The following LMLN variants were observed in gnomAD, a reference collection of about 807,000 sequenced individuals.
LMLN encodes the protein leishmanolysin like peptidase.
LMLN carries 70 observed loss-of-function variants against 92.3 expected under a neutral mutation model. The ratio of observed to expected loss-of-function variants is 0.76; its 90% CI spans 0.63 to 0.92. The LOEUF (loss-of-function observed/expected upper bound fraction) is 0.92. Ranked by LOEUF, LMLN falls within the 40% of genes least tolerant of loss-of-function variation. The pLI, the probability that LMLN is intolerant of heterozygous loss-of-function variation, is 0.00. For missense variants in LMLN, 691 were observed against 814.6 expected (o/e 0.85, Z 1.85); for synonymous variants, 308 against 296.2 (o/e 1.04, Z -0.41).
intron 14 of LMLN, among the ~76,000 whole-genome samples, chr3:198,026,717 T>C (rs1386802642): frequency 6.6e-6 from 1 of 152,060 alleles, no homozygotes; most frequent in Admixed American, 6.6e-5. Flanking sequence ...TTTAATGGAG[T>C]ATGGTGTTTA....
chr3:198,014,988 A>C (rs1476933845), intron 11 of LMLN, among the ~76,000 whole-genome samples: 1 of 137,854 alleles, frequency 7.3e-6, no homozygotes, highest in Non-Finnish European at 1.6e-5. Flanking sequence ...TCCACCGTTC[A>C]GAGCCCGCTA....
intron 1 of LMLN, among the ~76,000 whole-genome samples, chr3:197,970,817 A>C (rs1177079200): frequency 6.6e-6 from 1 of 152,264 alleles, no homozygotes; most frequent in African/African-American, 2.4e-5. Context: ...ACTCTTCTGC[A>C]CAATAGTCTT....
chr3:197,962,339 T>C (rs7431003), intron 1 of LMLN, among the ~76,000 whole-genome samples: 57,126 of 152,112 alleles, frequency 0.38, 15,411 homozygotes, highest in African/African-American at 0.77. Context: ...AGTATTCCAT[T>C]GAATACTTAT....
intron 1 of LMLN, among the ~76,000 whole-genome samples, chr3:197,966,737 T>G (rs193020628): frequency 6.6e-6 from 1 of 152,156 alleles, no homozygotes; most frequent in Non-Finnish European, 1.5e-5. Flanking sequence ...TTATTACCCT[T>G]TTTACATTTT....
chr3:197,977,788 G>C (rs1437967379), intron 5 of LMLN, among the ~76,000 whole-genome samples: 1 of 151,194 alleles, frequency 6.6e-6, no homozygotes, highest in African/African-American at 2.4e-5. Context: ...GTATACACAC[G>C]TTAAATCTGG....
At chr3:197,974,461 A>G in exon 2 of LMLN, 1 of 1,527,298 alleles carries the variant, frequency 6.5e-7, no homozygotes, top group Non-Finnish European at 9.0e-7. Context: ...TGTCTATGAT[A>G]AAAGTGTTGA....
At chr3:198,041,459 G>A (rs1723401648) in exon 16 of LMLN, 1 of 152,178 alleles carries the variant, frequency 6.6e-6, no homozygotes, top group Admixed American at 6.5e-5. Context: ...GGCAGTGTGT[G>A]TAGTTATATA....
At chr3:197,976,758 A>G in intron 5 of LMLN, 43 bp downstream of exon 5, 2 of 1,000,348 alleles carry the variant, frequency 2.0e-6, no homozygotes, top group South Asian at 2.1e-5. Flanking sequence ...ACCTGAGGAG[A>G]TTTTGAATTT....
intron 1 of LMLN, among the ~76,000 whole-genome samples, chr3:197,971,385 A>G (rs757836650): frequency 9.2e-5 from 14 of 152,204 alleles, no homozygotes; most frequent in Non-Finnish European, 1.6e-4. Flanking sequence ...GTGAGAACTC[A>G]CTATCATGAG....
intron 14 of LMLN, among the ~76,000 whole-genome samples, chr3:198,030,859 C>T (rs1445214486): frequency 6.6e-6 from 1 of 152,160 alleles, no homozygotes; most frequent in African/African-American, 2.4e-5. Flanking sequence ...CGCCTGCTGA[C>T]AGCGTGGGAA....
rs1013953689 is a variant in LMLN, at chr3:198,042,712, G to C, written c.*4045G>C. 2 of 152,166 alleles carry C rather than the reference G, an allele frequency of 1.3e-5. No homozygotes were observed. Among genetic ancestry groups the C allele is most frequent in the Non-Finnish European group, 2.9e-5 (2 of 68,034 alleles). The allele number at this position is 152,166 out of a possible 1,614,324, so 9.4% of individuals were successfully genotyped here. On this transcript the variant is annotated 3_prime_UTR_variant, in exon 16 of 16. Transcript: ENST00000330198. The surrounding 1 kb of genome is among the most constrained non-coding windows in gnomAD (Gnocchi z 4.2). ...AAAAACTATCTTGGTTTTCTGTTCA[G>C]ACTTAGGCTCATTTTGATCATTTTA...
intron 13 of LMLN, 87 bp from the exon 15 acceptor site, chr3:198,024,571 C>G: frequency 8.1e-7 from 1 of 1,227,514 alleles, no homozygotes; most frequent in Non-Finnish European, 1.1e-6. Context: ...TTTAAAGCAA[C>G]TTTTAATCAT....
At chr3:198,037,098 C>A (rs1248112630) in intron 15 of LMLN, among the ~76,000 whole-genome samples, 3 of 152,124 alleles carry the variant, frequency 2.0e-5, no homozygotes, top group Non-Finnish European at 4.4e-5. Flanking sequence ...CCCAGGAGCA[C>A]CTTAAATTTG....
intron 15 of LMLN, among the ~76,000 whole-genome samples, chr3:198,036,567 G>A (rs979018642): frequency 2.6e-5 from 4 of 152,096 alleles, no homozygotes; most frequent in Non-Finnish European, 2.9e-5. Flanking sequence ...GAATAGGACC[G>A]AGTGCTCGTT....
chr3:197,974,917 AAT>A (rs1214889717), intron 2 of LMLN, 123 bp from the exon 3 acceptor site: 2 of 687,302 alleles, frequency 2.9e-6, no homozygotes, highest in African/African-American at 3.8e-5. Context: ...GGAATAAAAG[AAT>A]GGCTGCTCCA....
chr3:197,965,470 G>C (rs2109840560), intron 1 of LMLN, among the ~76,000 whole-genome samples: 1 of 151,954 alleles, frequency 6.6e-6, no homozygotes, highest in Non-Finnish European at 1.5e-5. Flanking sequence ...TGAGCTCCTG[G>C]ACTCAAGCAA....
chr3:198,035,200 C>CAAA (rs33926276), intron 14 of LMLN, among the ~76,000 whole-genome samples: 45 of 96,572 alleles, frequency 4.7e-4, no homozygotes, highest in African/African-American at 1.4e-3. Context: ...GACCCCATCT[C>CAAA]AAAAAAAAAA....
In LMLN at chr3:198,042,666, A is replaced by C. The variant is rs1010865854; in HGVS notation, c.*3999A>C. 6.6e-6 allele frequency: 1 copy of C among 152,242 alleles called. No individual in the cohort carries two copies. Among genetic ancestry groups the C allele is most frequent in the African/African-American group, 2.4e-5 (1 of 41,470 alleles). The allele number at this position is 152,242 out of a possible 1,614,324, so 9.4% of individuals were successfully genotyped here. A position where few individuals can be genotyped will look rare whatever the true frequency, so the allele number is the denominator to read the frequency against. ...GTAGACTGGAGTCACTTTCTGACTC[A>C]AAAAGGGTCAAGTACTTATTAAAAA... On this transcript the variant is annotated 3_prime_UTR_variant, in exon 16 of 16. Transcript: ENST00000330198. The surrounding 1 kb of genome is among the most constrained non-coding windows in gnomAD (Gnocchi z 4.2).
chr3:198,024,790 T>TAAGC lies in LMLN; in HGVS notation c.1656+3_1656+6dup. 6.2e-7 allele frequency: 1 copy of TAAGC among 1,601,562 alleles called. No homozygotes were observed. Among genetic ancestry groups the TAAGC allele is most frequent in the Non-Finnish European group, 8.5e-7 (1 of 1,175,962 alleles). ...GACTGGGGAAGCGGATGCTATCAGG[T>TAAGC]AAGCTTATGTTTGTTATTAGTTGTG... On this transcript the variant is annotated splice_region_variant and intron_variant, in intron 14 of 15. Transcript: ENST00000330198.
Sources: allele counts gnomAD v4.1 joint callset (sites outside exome capture counted in the v4.1 genomes callset), GRCh38; gene constraint gnomAD v4.1.1; non-coding constraint Gnocchi (gnomAD v3.1); transcripts MANE v1.5; gene names NCBI Gene and HGNC (gene_info 2026-07-23, HGNC 2026-07-21).